HTR7: variants seen among roughly 807,000 people sequenced by gnomAD.
HTR7 encodes 5-HT-7.
A neutral mutation model predicts 34.0 loss-of-function variants in HTR7; 16 were observed. The ratio of observed to expected loss-of-function variants is 0.47; its 90% CI spans 0.32 to 0.71. The LOEUF (loss-of-function observed/expected upper bound fraction) is 0.71. Among genes scored for constraint, HTR7 ranks in the 30% least tolerant of loss-of-function variants. The pLI, the probability that HTR7 is intolerant of heterozygous loss-of-function variation, is 0.04. For missense variants in HTR7, 504 were observed against 625.5 expected (o/e 0.81, Z 2.07); for synonymous variants, 265 against 260.2 (o/e 1.02, Z -0.18).
At chr10:90,768,351 T>A (rs1274734288) in intron 1 of HTR7, among the ~76,000 whole-genome samples, 4 of 152,234 alleles carry the variant, frequency 2.6e-5, no homozygotes, top group African/African-American at 9.6e-5. Flanking sequence ...ATGTTATTTA[T>A]TTCATCAAAT....
At chr10:90,750,126 T>C (rs1478833418) in intron 1 of HTR7, among the ~76,000 whole-genome samples, 3 of 152,188 alleles carry the variant, frequency 2.0e-5, no homozygotes, top group African/African-American at 7.2e-5. Context: ...GTGAGATAAT[T>C]TGGGAATCCT....
intron 1 of HTR7, among the ~76,000 whole-genome samples, chr10:90,762,964 T>C (rs34479797): frequency 0.026 from 3,884 of 152,294 alleles, 90 homozygotes; most frequent in East Asian, 0.11. Context: ...TTTCCATGGA[T>C]TCCATGCTGT....
chr10:90,799,338 CATGA>C (rs113835217), intron 1 of HTR7, among the ~76,000 whole-genome samples: 41,042 of 150,374 alleles, frequency 0.27, 5,691 homozygotes, highest in South Asian at 0.39. Context: ...GCCGGCTCTG[CATGA>C]ATGAATGAAT....
intron 1 of HTR7, among the ~76,000 whole-genome samples, chr10:90,767,968 T>G (rs573968264): frequency 6.6e-6 from 1 of 152,218 alleles, no homozygotes; most frequent in East Asian, 1.9e-4. Flanking sequence ...CATCTCTACT[T>G]GGGTATCTTT....
intron 1 of HTR7, among the ~76,000 whole-genome samples, chr10:90,831,298 G>A (rs894199683): frequency 6.6e-6 from 1 of 152,104 alleles, no homozygotes; most frequent in Admixed American, 6.6e-5. Context: ...GCTGTGTTCG[G>A]AGTTTCTTCC....
chr10:90,838,069 G>T (rs1209585752), intron 1 of HTR7, among the ~76,000 whole-genome samples: 1 of 151,884 alleles, frequency 6.6e-6, no homozygotes, highest in Non-Finnish European at 1.5e-5. Flanking sequence ...TTTCCTATCT[G>T]CTCTCTCCCA....
intron 1 of HTR7, among the ~76,000 whole-genome samples, chr10:90,787,587 T>C (rs1845400487): frequency 6.6e-6 from 1 of 152,158 alleles, no homozygotes; most frequent in African/African-American, 2.4e-5. Context: ...ACGTCAGCTA[T>C]AGTGCTAAGT....
chr10:90,820,277 GTGATGGCTTTT>G (rs754623706), intron 1 of HTR7, among the ~76,000 whole-genome samples: 133 of 152,262 alleles, frequency 8.7e-4, no homozygotes, highest in Admixed American at 2.9e-3. Flanking sequence ...ATTTAAAGGA[GTGATGGCTTTT>G]TGATTTTCTT....
intron 1 of HTR7, among the ~76,000 whole-genome samples, chr10:90,792,117 C>T (rs1451367884): frequency 6.6e-6 from 1 of 152,098 alleles, no homozygotes; most frequent in Non-Finnish European, 1.5e-5. Context: ...ACTGTTCACA[C>T]AAGTTCATTA....
At chr10:90,769,328 A>G (rs1845071752) in intron 1 of HTR7, among the ~76,000 whole-genome samples, 1 of 152,194 alleles carries the variant, frequency 6.6e-6, no homozygotes, top group Admixed American at 6.5e-5. Context: ...AAAGTTTGGG[A>G]TTAAATTTAC....
chr10:90,794,520 A>T (rs1449188257), intron 1 of HTR7, among the ~76,000 whole-genome samples: 1 of 152,108 alleles, frequency 6.6e-6, no homozygotes, highest in Non-Finnish European at 1.5e-5. Flanking sequence ...TTGAGACAGG[A>T]TCTTGCTCAA....
intron 1 of HTR7, among the ~76,000 whole-genome samples, chr10:90,842,793 T>A (rs1846350010): frequency 6.6e-6 from 1 of 152,078 alleles, no homozygotes; most frequent in African/African-American, 2.4e-5. Flanking sequence ...ACAGCACTGA[T>A]GATACTAAAA....
intron 1 of HTR7, among the ~76,000 whole-genome samples, chr10:90,832,904 G>T (rs1199644885): frequency 1.3e-5 from 2 of 152,174 alleles, no homozygotes; most frequent in Non-Finnish European, 2.9e-5. Context: ...TGCAAGGTGG[G>T]CCTACAAGCA....
intron 1 of HTR7, among the ~76,000 whole-genome samples, chr10:90,772,857 T>C (rs1325291454): frequency 1.3e-5 from 2 of 152,168 alleles, no homozygotes; most frequent in East Asian, 3.8e-4. Context: ...ATTCAGTCTT[T>C]ACAACCCTCT....
intron 1 of HTR7, among the ~76,000 whole-genome samples, chr10:90,810,511 C>CA (rs540340132): frequency 6.6e-6 from 1 of 152,130 alleles, no homozygotes; most frequent in African/African-American, 2.4e-5. Flanking sequence ...CTTACAATTC[C>CA]CCCATTTTAC....
At chr10:90,817,999 G>A (rs1387868004) in intron 1 of HTR7, among the ~76,000 whole-genome samples, 9 of 152,114 alleles carry the variant, frequency 5.9e-5, no homozygotes, top group African/African-American at 2.2e-4. Context: ...TATAGAAAAG[G>A]CAAATCTATA....
intron 1 of HTR7, among the ~76,000 whole-genome samples, chr10:90,838,352 C>T (rs1000057222): frequency 3.9e-5 from 6 of 152,124 alleles, no homozygotes; most frequent in African/African-American, 7.2e-5. Flanking sequence ...CAAGGCCTGC[C>T]GATACACCTC....
At position 90,837,957 on chromosome 10, in the gene HTR7, T is replaced by A. The variant is rs138091409; in HGVS notation, c.539+19176A>T. Reference sequence around the variant, plus strand: ...TTCCCCTTAATTTCCATGACAGGTGTTCCTCATATCGCACTGACTAACCAT... The same window carrying A: ...TTCCCCTTAATTTCCATGACAGGTGATCCTCATATCGCACTGACTAACCAT... On this transcript the variant is annotated intron_variant, in intron 1 of 3. Coordinates refer to ENST00000336152, the MANE Select transcript of HTR7 (RefSeq NM_019859.4). 3.1e-4 allele frequency among the ~76,000 whole-genome samples: 47 copies of A among 152,328 alleles called. No individual in the cohort carries two copies. In the East Asian group the frequency reaches 6.9e-3, roughly 23 times the overall value.
chr10:90,780,770 A>T (rs1038989013), intron 1 of HTR7, among the ~76,000 whole-genome samples: 1 of 152,180 alleles, frequency 6.6e-6, no homozygotes, highest in African/African-American at 2.4e-5. Flanking sequence ...CTCCACATGT[A>T]TAAATCTGCT....
Sources: allele counts gnomAD v4.1 joint callset (sites outside exome capture counted in the v4.1 genomes callset), GRCh38; gene constraint gnomAD v4.1.1; transcripts MANE v1.5; gene names NCBI Gene and HGNC (gene_info 2026-07-23, HGNC 2026-07-21).